AUTS2: variants seen among roughly 807,000 people sequenced by gnomAD.
AUTS2 encodes activator of transcription and developmental regulator AUTS2, also known as autism susceptibility gene 2 protein.
A neutral mutation model predicts 112.4 loss-of-function variants in AUTS2; 17 were observed. The observed-to-expected ratio is 0.15, with a 90% CI of 0.10 to 0.23. AUTS2 has a LOEUF of 0.23. Among genes scored for constraint, AUTS2 ranks in the 10% least tolerant of loss-of-function variants. The pLI is 1.00. For missense variants in AUTS2, 1,510 were observed against 1,701.6 expected (o/e 0.89, Z 1.98); for synonymous variants, 751 against 702.7 (o/e 1.07, Z -1.09).
chr7:70,487,536 C>G (rs146309249), intron 5 of AUTS2, among the ~76,000 whole-genome samples: 1,804 of 152,278 alleles, frequency 0.012, 14 homozygotes, highest in Non-Finnish European at 0.018. Flanking sequence ...TACCAAGATG[C>G]AACAGAGGGC....
intron 4 of AUTS2, among the ~76,000 whole-genome samples, chr7:70,252,551 A>G (rs572990067): frequency 7.2e-4 from 109 of 152,180 alleles, no homozygotes; most frequent in Non-Finnish European, 1.5e-3. Flanking sequence ...TCTGCAAGCT[A>G]TTTCTTAACT....
intron 4 of AUTS2, among the ~76,000 whole-genome samples, chr7:70,280,376 C>T (rs1423602515): frequency 1.3e-5 from 2 of 150,736 alleles, no homozygotes; most frequent in Non-Finnish European, 3.0e-5. Context: ...TTCTGCCTCC[C>T]GGGTTCAAGC....
chr7:69,998,370 AATC>A (rs1362653761), intron 2 of AUTS2, among the ~76,000 whole-genome samples: 1 of 152,072 alleles, frequency 6.6e-6, no homozygotes, highest in Non-Finnish European at 1.5e-5. Flanking sequence ...AAAAAAAAAA[AATC>A]ATCTGTAATT....
chr7:69,684,501 T>C (rs994885504), intron 1 of AUTS2, among the ~76,000 whole-genome samples: 1 of 152,142 alleles, frequency 6.6e-6, no homozygotes, highest in Non-Finnish European at 1.5e-5. Flanking sequence ...AAATTGTGAG[T>C]GAACCAGACA....
At chr7:69,886,266 C>G (rs1402738056) in intron 1 of AUTS2, among the ~76,000 whole-genome samples, 3 of 152,206 alleles carry the variant, frequency 2.0e-5, no homozygotes. Flanking sequence ...TGTCACTGCT[C>G]TGTAAGAGAA....
intron 2 of AUTS2, among the ~76,000 whole-genome samples, chr7:69,906,217 G>T (rs935530328): frequency 7.9e-5 from 12 of 152,210 alleles, no homozygotes; most frequent in East Asian, 1.9e-4. Context: ...GTGTATTTTT[G>T]TGCTGATTAA....
At chr7:70,358,903 A>T (rs1792129615) in intron 4 of AUTS2, among the ~76,000 whole-genome samples, 1 of 152,264 alleles carries the variant, frequency 6.6e-6, no homozygotes, top group Non-Finnish European at 1.5e-5. Flanking sequence ...TAAATGGATG[A>T]GCTAGTTAAC....
chr7:69,977,607 G>T (rs1798113921), intron 2 of AUTS2, among the ~76,000 whole-genome samples: 1 of 152,118 alleles, frequency 6.6e-6, no homozygotes, highest in Non-Finnish European at 1.5e-5. Flanking sequence ...CCATTTATTT[G>T]TAGCTCTTTT....
At chr7:69,665,481 T>A (rs1485087076) in intron 1 of AUTS2, among the ~76,000 whole-genome samples, 1 of 152,186 alleles carries the variant, frequency 6.6e-6, no homozygotes, top group Non-Finnish European at 1.5e-5. Context: ...GAGTCTGGAA[T>A]GCAAAACTGA....
At chr7:70,115,498 C>T (rs532591172) in intron 2 of AUTS2, among the ~76,000 whole-genome samples, 81 of 152,260 alleles carry the variant, frequency 5.3e-4, no homozygotes, top group African/African-American at 1.5e-3. Context: ...TCAAATATCA[C>T]CTAACAAGAT....
At chr7:69,916,263 C>T (rs967574112) in intron 2 of AUTS2, among the ~76,000 whole-genome samples, 1 of 152,200 alleles carries the variant, frequency 6.6e-6, no homozygotes, top group Non-Finnish European at 1.5e-5. Context: ...ACATTCACTC[C>T]TCCAAGGATA....
At chr7:70,237,572 C>G (rs1480241480) in intron 4 of AUTS2, among the ~76,000 whole-genome samples, 1 of 152,086 alleles carries the variant, frequency 6.6e-6, no homozygotes, top group African/African-American at 2.4e-5. Context: ...TTCAAAATAC[C>G]AAATCTCAGG....
intron 4 of AUTS2, among the ~76,000 whole-genome samples, chr7:70,377,937 A>ATT (rs1179092644): frequency 3.5e-5 from 5 of 143,314 alleles, no homozygotes; most frequent in East Asian, 2.0e-4. Flanking sequence ...CGGCTGGCTA[A>ATT]TTTTTTTTTT....
At chr7:70,123,572 C>T (rs1185677202) in intron 3 of AUTS2, among the ~76,000 whole-genome samples, 1 of 152,162 alleles carries the variant, frequency 6.6e-6, no homozygotes, top group Non-Finnish European at 1.5e-5. Flanking sequence ...TATTATTTAG[C>T]TCCCACTTAT....
At position 69,914,671 on chromosome 7, in the gene AUTS2, TC is replaced by T. The variant is rs113498455; in HGVS notation, c.522+15175del. 1.1e-3 allele frequency among the ~76,000 whole-genome samples: 164 copies of T among 151,424 alleles called. 4 individuals carry two copies. Among genetic ancestry groups the T allele is most frequent in the African/African-American group, 3.7e-3 (151 of 41,244 alleles). ...TAGCCTTCCATCTTTTTAGAGGTAA[TC>T]CAAAAGAGACTAGACAAGCAGAAAG... On this transcript the variant is annotated intron_variant, in intron 2 of 18. Transcript: ENST00000342771.
At chr7:70,277,073 G>A (rs1787963523) in intron 4 of AUTS2, among the ~76,000 whole-genome samples, 1 of 152,180 alleles carries the variant, frequency 6.6e-6, no homozygotes, top group South Asian at 2.1e-4. Flanking sequence ...AGGCCGAAAT[G>A]GCATGTCAAG....
chr7:70,048,628 A>G (rs1473152330), intron 2 of AUTS2, among the ~76,000 whole-genome samples: 4 of 152,186 alleles, frequency 2.6e-5, no homozygotes, highest in Non-Finnish European at 4.4e-5. Context: ...TGCAGGTGTC[A>G]CATTAGTGGC....
At chr7:70,426,934 T>C (rs542983701) in intron 4 of AUTS2, among the ~76,000 whole-genome samples, 2 of 149,872 alleles carry the variant, frequency 1.3e-5, no homozygotes, top group African/African-American at 2.6e-5. Context: ...ATTTGGGTTT[T>C]ATTAGCTTAC....
In AUTS2 at chr7:70,081,907, A is replaced by G. The variant is rs1803334093; in HGVS notation, c.523-36225A>G. Among the ~76,000 whole-genome samples the G allele has an allele frequency of 3.3e-5, 5 of 151,902 alleles. No homozygotes were observed. The South Asian group carries it at 1.0e-3, about 32-fold the overall frequency. On this transcript the variant is annotated intron_variant, in intron 2 of 18. Coordinates refer to ENST00000342771, the MANE Select transcript of AUTS2 (RefSeq NM_015570.4). Reference sequence around the variant, plus strand: ...GCCAGTTAACATTAACTTTTAGGAAAGAAAAAACGGTAGATTTTTCTGTGA... The same window carrying G: ...GCCAGTTAACATTAACTTTTAGGAAGGAAAAAACGGTAGATTTTTCTGTGA...
Sources: gnomAD v4.1 joint callset for allele counts (sites outside exome capture counted in the v4.1 genomes callset) on GRCh38, gnomAD v4.1.1 for gene constraint, MANE v1.5 for transcripts, NCBI Gene and HGNC (gene_info 2026-07-23, HGNC 2026-07-21) for gene names.